The following NCOR1 variants were observed in gnomAD, a reference collection of about 807,000 sequenced individuals.
NCOR1 encodes the protein nuclear receptor corepressor 1, also known as protein phosphatase 1, regulatory subunit 109.
NCOR1 carries 63 observed loss-of-function variants against 288.1 expected under a neutral mutation model. That is an observed-to-expected ratio of 0.22 (90% CI 0.18 to 0.27). NCOR1 has a LOEUF of 0.27. Among genes scored for constraint, NCOR1 ranks in the 10% least tolerant of loss-of-function variants. The probability of loss-of-function intolerance (pLI) is 1.00; values close to 1 mark genes in which losing one functional copy is unlikely to be tolerated. For missense variants in NCOR1, 2,397 were observed against 3,019.2 expected, an observed-to-expected ratio of 0.79 and a Z score of 4.83; for synonymous variants, 1,007 against 1,065.9, an observed-to-expected ratio of 0.94 and a Z score of 1.08.
chr17:16,101,905 C>T (rs2067689014), intron 19 of NCOR1, 148 bp from the exon 20 acceptor site: 2 of 952,642 alleles, frequency 2.1e-6, no homozygotes, highest in Admixed American at 5.4e-5. Flanking sequence ...GAATTCTACT[C>T]CTTTGATGAC....
chr17:16,125,113 CA>C (rs1227549243), intron 15 of NCOR1, among the ~76,000 whole-genome samples: 19 of 152,206 alleles, frequency 1.2e-4, no homozygotes, highest in Admixed American at 2.6e-4. Context: ...CCTGTAATCC[CA>C]ACACTTTGGG....
intron 35 of NCOR1, 136 bp from the exon 36 acceptor site, chr17:16,062,406 T>A: frequency 1.1e-6 from 1 of 929,428 alleles, no homozygotes; most frequent in Non-Finnish European, 1.5e-6. Flanking sequence ...AACTTGATAG[T>A]CTACTTTCTG....
intron 40 of NCOR1, among the ~76,000 whole-genome samples, chr17:16,056,308 C>CTTTTTTTTTTT (rs71299858): frequency 5.3e-4 from 51 of 96,006 alleles, no homozygotes; most frequent in African/African-American, 1.3e-3. Context: ...TTCTTTTTAT[C>CTTTTTTTTTTT]TTTTTTTTTT....
intron 26 of NCOR1, among the ~76,000 whole-genome samples, chr17:16,079,378 G>C (rs911287809): frequency 1.3e-5 from 2 of 152,168 alleles, no homozygotes; most frequent in African/African-American, 4.8e-5. Flanking sequence ...TCCCAAAACA[G>C]AATTTTCCCT....
chr17:16,039,787 C>T (rs2057198816), intron 43 of NCOR1, 133 bp from the exon 44 acceptor site: 1 of 761,456 alleles, frequency 1.3e-6, no homozygotes, highest in Non-Finnish European at 2.1e-6. Context: ...GGACCCACCA[C>T]ACAGAGACCT....
rs914873314 is a variant in NCOR1, at chr17:16,197,034, C to T, written c.-70-2395G>A. 2.9e-5 allele frequency among the ~76,000 whole-genome samples: 4 copies of T among 137,442 alleles called. No homozygotes were observed. The East Asian group carries it at 6.1e-4, about 21-fold the overall frequency. 90.2% of individuals were successfully genotyped at this position (137,442 alleles called of 152,430 possible). ...TCTGACTCAAAAAATAAAAGAAAAACGTATAGAAAGAACTTTAAGGCCGGG... is the reference window on the plus strand; with the variant it reads ...TCTGACTCAAAAAATAAAAGAAAAATGTATAGAAAGAACTTTAAGGCCGGG... On this transcript the variant is annotated intron_variant, in intron 1 of 45. Coordinates refer to ENST00000268712, the MANE Select transcript of NCOR1 (RefSeq NM_006311.4).
intron 40 of NCOR1, among the ~76,000 whole-genome samples, chr17:16,056,607 C>T (rs796781235): frequency 3.3e-5 from 5 of 152,044 alleles, no homozygotes; most frequent in African/African-American, 9.6e-5. Flanking sequence ...TGAGCCACCA[C>T]GCCCGGCCTT....
At chr17:16,123,080 A>G (rs1369811392) in intron 15 of NCOR1, among the ~76,000 whole-genome samples, 1 of 152,152 alleles carries the variant, frequency 6.6e-6, no homozygotes, top group Admixed American at 6.5e-5. Context: ...TATCTTCCCA[A>G]CTACCTGCTG....
intron 40 of NCOR1, among the ~76,000 whole-genome samples, chr17:16,050,243 G>C (rs2059153476): frequency 2.0e-5 from 3 of 147,440 alleles, no homozygotes; most frequent in Admixed American, 2.0e-4. Flanking sequence ...TTTTTTTTAA[G>C]ACAGAGTCTT....
At chr17:16,075,175 C>T (rs891906899) in intron 27 of NCOR1, among the ~76,000 whole-genome samples, 1 of 152,170 alleles carries the variant, frequency 6.6e-6, no homozygotes, top group African/African-American at 2.4e-5. Flanking sequence ...CCGCGCCCAG[C>T]CTATCTACCC....
At chr17:16,207,005 T>A (rs1156647402) in intron 1 of NCOR1, among the ~76,000 whole-genome samples, 1 of 152,100 alleles carries the variant, frequency 6.6e-6, no homozygotes, top group Admixed American at 6.6e-5. Context: ...TGTGTGAATA[T>A]AAAGTAACTT....
At chr17:16,130,952 G>T (rs2075519976) in intron 14 of NCOR1, among the ~76,000 whole-genome samples, 1 of 150,802 alleles carries the variant, frequency 6.6e-6, no homozygotes. Context: ...GCCTCCCAAA[G>T]TGCTGGGACT....
At chr17:16,036,899 CTT>C (rs1040987885) in intron 44 of NCOR1, among the ~76,000 whole-genome samples, 1 of 152,226 alleles carries the variant, frequency 6.6e-6, no homozygotes, top group Non-Finnish European at 1.5e-5. Flanking sequence ...CCTTCAAAAA[CTT>C]TTCCTTTGCA....
chr17:16,095,954 G>A (rs1054720383), intron 21 of NCOR1, among the ~76,000 whole-genome samples: 7 of 152,092 alleles, frequency 4.6e-5, no homozygotes, highest in Non-Finnish European at 1.0e-4. Flanking sequence ...TAGTAGACAT[G>A]GGAGACTTTT....
intron 3 of NCOR1, among the ~76,000 whole-genome samples, chr17:16,172,242 G>A (rs548755285): frequency 6.6e-6 from 1 of 152,182 alleles, no homozygotes; most frequent in African/African-American, 2.4e-5. Context: ...TGTAATCCCA[G>A]CTACTCGGGA....
intron 14 of NCOR1, among the ~76,000 whole-genome samples, chr17:16,128,611 T>C (rs2075120304): frequency 1.3e-5 from 2 of 152,208 alleles, no homozygotes; most frequent in Non-Finnish European, 2.9e-5. Flanking sequence ...GTTTTTACCC[T>C]CCAATCTCGA....
intron 40 of NCOR1, among the ~76,000 whole-genome samples, chr17:16,050,672 C>T (rs186175013): frequency 6.6e-6 from 1 of 152,174 alleles, no homozygotes; most frequent in East Asian, 1.9e-4. Flanking sequence ...TCAAGATAGC[C>T]ACTTTTTTTT....
At chr17:16,172,737 G>A (rs1351703940) in intron 3 of NCOR1, among the ~76,000 whole-genome samples, 1 of 152,130 alleles carries the variant, frequency 6.6e-6, no homozygotes, top group Non-Finnish European at 1.5e-5. Flanking sequence ...TTGAAGATCA[G>A]AATCTTTCAT....
rs569141308 is a variant in NCOR1, at chr17:16,200,732, C to T, written c.-70-6093G>A. ...GCAATGCCTTTATGACATTCAAATG[C>T]TAAAATATTAGTTATTAAACTGAGG... On this transcript the variant is annotated intron_variant, in intron 1 of 45. Transcript: ENST00000268712. Among the ~76,000 whole-genome samples the T allele has an allele frequency of 7.9e-5, 12 of 152,146 alleles. No homozygotes were observed. The South Asian group carries it at 2.3e-3, about 29-fold the overall frequency.
Sources: gnomAD v4.1 joint callset for allele counts (sites outside exome capture counted in the v4.1 genomes callset) on GRCh38, gnomAD v4.1.1 for gene constraint, MANE v1.5 for transcripts, NCBI Gene and HGNC (gene_info 2026-07-23, HGNC 2026-07-21) for gene names.